Variants in PLXDC1 observed in about 807,000 individuals in gnomAD.
PLXDC1 encodes the protein plexin domain-containing protein 1.
In PLXDC1, 39 loss-of-function variants were observed where a neutral mutation model predicts 61.3. The observed-to-expected ratio is 0.64, with a 90% confidence interval of 0.49 to 0.83. PLXDC1 has a LOEUF of 0.83. PLXDC1 is among the 40% of genes least tolerant of loss of function. The probability of loss-of-function intolerance (pLI) is 0.00; values close to 1 mark genes in which losing one functional copy is unlikely to be tolerated. For missense variants in PLXDC1, 596 were observed against 666.5 expected (o/e 0.89, Z 1.17); for synonymous variants, 212 against 254.5 (o/e 0.83, Z 1.59).
chr17:39,082,108 C>T (rs141249368), intron 9 of PLXDC1, among the ~76,000 whole-genome samples: 2 of 152,318 alleles, frequency 1.3e-5, no homozygotes, highest in African/African-American at 4.8e-5. Context: ...ACCTGATGGG[C>T]ACACCCCATC....
intron 2 of PLXDC1, chr17:39,132,002 C>T (rs1911580973): frequency 6.6e-6 from 1 of 152,588 alleles, no homozygotes; most frequent in South Asian, 2.1e-4. Flanking sequence ...CTGGGGCCTG[C>T]TATGGTGATG....
upstream of PLXDC1, chr17:39,152,641 G>C: frequency 1.6e-6 from 2 of 1,243,844 alleles, no homozygotes; most frequent in Non-Finnish European, 2.0e-6. Context: ...CTAGGGACTA[G>C]AAAACCGCGG....
chr17:39,107,955 C>A, intron 5 of PLXDC1, 168 bp downstream of exon 5: 3 of 755,020 alleles, frequency 4.0e-6, no homozygotes, highest in Non-Finnish European at 4.5e-6. Flanking sequence ...GGGTAGCAGG[C>A]ATTTTTGCCC....
At chr17:39,149,444 T>C (rs1459668790) in intron 1 of PLXDC1, among the ~76,000 whole-genome samples, 1 of 152,150 alleles carries the variant, frequency 6.6e-6, no homozygotes, top group Non-Finnish European at 1.5e-5. Flanking sequence ...CTCCTGCCTG[T>C]GAAATCCCAC....
In PLXDC1 at chr17:39,069,851, C is replaced by T. The variant is rs377657103; in HGVS notation, c.1383+5G>A. On this transcript the variant is annotated splice_donor_5th_base_variant and intron_variant, in intron 13 of 13. Transcript: ENST00000315392. ...AGGAGCCCTGTGGCCACAGATGACACGGACCTCGATGAAGAAGAGCGCAGC... is the reference window on the plus strand; with the variant it reads ...AGGAGCCCTGTGGCCACAGATGACATGGACCTCGATGAAGAAGAGCGCAGC... 2.6e-5 allele frequency: 42 copies of T among 1,612,346 alleles called. No individual in the cohort carries two copies. Among genetic ancestry groups the T allele is most frequent in the Non-Finnish European group, 3.1e-5 (36 of 1,178,730 alleles).
At chr17:39,122,563 G>A (rs1246972292) in intron 2 of PLXDC1, among the ~76,000 whole-genome samples, 3 of 152,100 alleles carry the variant, frequency 2.0e-5, no homozygotes, top group Middle Eastern at 3.4e-3. Context: ...TCTATCCCAG[G>A]GTATGGTCAC....
intron 7 of PLXDC1, among the ~76,000 whole-genome samples, chr17:39,088,760 G>A (rs1160494343): frequency 6.6e-6 from 1 of 151,722 alleles, no homozygotes; most frequent in Non-Finnish European, 1.5e-5. Context: ...GGCCAACAGG[G>A]TTTTTAGTAG....
At chr17:39,073,129 G>T in intron 11 of PLXDC1, 1 of 152,676 alleles carries the variant, frequency 6.5e-6, no homozygotes, top group Non-Finnish European at 1.5e-5. Context: ...GTTCACTACA[G>T]CCCCGACCTC....
chr17:39,107,697 C>T, intron 5 of PLXDC1, 172 bp from the exon 6 acceptor site: 1 of 646,758 alleles, frequency 1.5e-6, no homozygotes, highest in Non-Finnish European at 2.8e-6. Context: ...AGCGCGGCTT[C>T]CAAGCAGCAG....
intron 7 of PLXDC1, among the ~76,000 whole-genome samples, chr17:39,091,635 C>T (rs1909956154): frequency 6.6e-6 from 1 of 152,070 alleles, no homozygotes; most frequent in South Asian, 2.1e-4. Flanking sequence ...GCTACAGCTG[C>T]AGAGACTCAG....
chr17:39,081,500 G>A (rs4795346), intron 9 of PLXDC1: 39,904 of 153,116 alleles, frequency 0.26, 6,042 homozygotes, highest in Admixed American at 0.43. Context: ...GGTTGCAGGC[G>A]CCTGTAGTCC....
rs754365371 is a variant in PLXDC1 at position 39,105,936 on chromosome 17, C to T, written c.729G>A (p.Pro243=). Residue 243 remains proline, a synonymous_variant, in exon 7 of 14, where the codon CCG becomes CCA. Coordinates refer to ENST00000315392, the MANE Select transcript of PLXDC1 (RefSeq NM_020405.5). ...CAGGATGCTGGGAGGAGCTGATTTC[C>T]GGGACAGACATAGGGATCTGCGGCA... is the stretch of plus-strand genomic sequence containing the variant. The part of the protein sequence containing the change: ...FAYKEIPMSV[P]EISSSQHPVK... 1.5e-5 allele frequency: 24 copies of T among 1,613,606 alleles called. No homozygotes were observed. The highest frequency in any genetic ancestry group is 2.7e-5 in the African/African-American group (2 of 75,028).
intron 7 of PLXDC1, among the ~76,000 whole-genome samples, chr17:39,099,883 C>G (rs900002597): frequency 6.6e-6 from 1 of 152,110 alleles, no homozygotes; most frequent in Non-Finnish European, 1.5e-5. Flanking sequence ...TGCCTGGTAT[C>G]CACACCCAGG....
rs118092718 is a variant in PLXDC1, at chr17:39,090,905, C to T, written c.812-3203G>A. Among the ~76,000 whole-genome samples the T allele has an allele frequency of 8.5e-4, 129 of 152,132 alleles. No homozygotes were observed. In the East Asian group the frequency reaches 0.021, roughly 25 times the overall value. The stretch of plus-strand genomic sequence containing the variant: ...TCCCTCTGTCTCTCTCTCTCTAGGA[C>T]GGCATATTTCTTGTCAGCAAGTCTG... On this transcript the variant is annotated intron_variant, in intron 7 of 13. Transcript: ENST00000315392.
intron 7 of PLXDC1, among the ~76,000 whole-genome samples, chr17:39,097,618 C>T (rs1424796787): frequency 6.6e-6 from 1 of 151,988 alleles, no homozygotes; most frequent in Non-Finnish European, 1.5e-5. Context: ...CACGGTGGCT[C>T]ACATCTGTAA....
chr17:39,137,867 TG>T (rs1264889615), intron 2 of PLXDC1, among the ~76,000 whole-genome samples: 3 of 150,144 alleles, frequency 2.0e-5, no homozygotes, highest in Non-Finnish European at 4.4e-5. Context: ...GGGATTGGAG[TG>T]CAGGACAGGA....
chr17:39,073,696 G>T (rs1488860574), intron 11 of PLXDC1, among the ~76,000 whole-genome samples: 1 of 152,198 alleles, frequency 6.6e-6, no homozygotes, highest in Non-Finnish European at 1.5e-5. Flanking sequence ...ACTCACACAG[G>T]AAGAAATGCA....
At chr17:39,092,511 T>G (rs957037080) in intron 7 of PLXDC1, among the ~76,000 whole-genome samples, 1 of 152,282 alleles carries the variant, frequency 6.6e-6, no homozygotes, top group Non-Finnish European at 1.5e-5. Context: ...ACACCTGCTC[T>G]GTGCAGGGGC....
At chr17:39,117,988 C>A (rs1911031624) in intron 2 of PLXDC1, among the ~76,000 whole-genome samples, 1 of 152,128 alleles carries the variant, frequency 6.6e-6, no homozygotes, top group Non-Finnish European at 1.5e-5. Context: ...CAGGGCTGAG[C>A]ATCAGTGATG....
Sources: allele counts gnomAD v4.1 joint callset (sites outside exome capture counted in the v4.1 genomes callset), GRCh38; gene constraint gnomAD v4.1.1; transcripts MANE v1.5; gene names NCBI Gene and HGNC (gene_info 2026-07-23, HGNC 2026-07-21).